Variants in IAH1 observed in about 807,000 individuals in gnomAD.
IAH1 encodes the protein isoamyl acetate hydrolyzing esterase 1 (putative).
Under a neutral mutation model 26.7 loss-of-function variants are expected in IAH1, and 24 were observed. That is an observed-to-expected ratio of 0.90 (90% CI 0.65 to 1.26). The LOEUF is 1.26. IAH1 is among the 50% of genes most tolerant of loss of function. The pLI, the probability that IAH1 is intolerant of heterozygous loss-of-function variation, is 0.00. For synonymous variants in IAH1, 140 were observed against 118.5 expected (o/e 1.18, Z -1.18); for missense variants, 300 against 299.9 (o/e 1.00, Z 0.00).
chr2:9,506,331 T>C, the IAH1 span, among the ~76,000 whole-genome samples: 6 of 150,186 alleles, frequency 4.0e-5, no homozygotes, highest in Middle Eastern at 3.5e-3. Flanking sequence ...AAATACTAAC[T>C]GGCTTTTTAA....
upstream of IAH1, chr2:9,474,549 G>GC (rs774279909): frequency 3.2e-5 from 31 of 968,042 alleles, no homozygotes; most frequent in Middle Eastern, 3.2e-4. This position sits in a 1 kb window ranked among gnomAD's most constrained non-coding sequence, Gnocchi z 4.3. Flanking sequence ...GCCCCGCCCC[G>GC]CCCCGCCCGG....
chr2:9,478,988 T>C (rs1220916238), intron 3 of IAH1, among the ~76,000 whole-genome samples: 1 of 152,136 alleles, frequency 6.6e-6, no homozygotes, highest in East Asian at 1.9e-4. Flanking sequence ...AGATTTCTTT[T>C]GTTACCCTAC....
At chr2:9,479,039 AC>A (rs1558476701) in intron 3 of IAH1, among the ~76,000 whole-genome samples, 1 of 152,180 alleles carries the variant, frequency 6.6e-6, no homozygotes, top group Non-Finnish European at 1.5e-5. Context: ...TCACGGGCAC[AC>A]CGTAGGAGAC....
intron 1 of IAH1, chr2:9,475,248 C>T (rs1682415425): frequency 5.6e-6 from 7 of 1,256,204 alleles, no homozygotes; most frequent in Non-Finnish European, 6.3e-6. Flanking sequence ...GTAGAAATTC[C>T]ATTCCTGTGT....
At chr2:9,492,180 A>G (rs1662209606), downstream of IAH1, among the ~76,000 whole-genome samples, 1 of 152,242 alleles carries the variant, frequency 6.6e-6, no homozygotes, top group Admixed American at 6.5e-5. Flanking sequence ...GAAGGCCACT[A>G]TGAAAGAGTT....
rs190575584 is a variant in IAH1, at chr2:9,487,582, T to C, written c.565-565T>C. 3.9e-5 allele frequency: 6 copies of C among 152,248 alleles called. No individual in the cohort carries two copies. In the East Asian group the frequency reaches 5.8e-4, roughly 15 times the overall value. The allele number at this position is 152,248 out of a possible 1,614,324, so 9.4% of individuals were successfully genotyped here. On this transcript the variant is annotated intron_variant, in intron 5 of 5. Transcript: ENST00000497473. ...TTTCATGAAACTCAATTCTATAATA[T>C]GGAGACAGCACTATAGCACTAGTCA...
At chr2:9,494,199 A>T (rs1662380370), downstream of IAH1, among the ~76,000 whole-genome samples, 1 of 152,190 alleles carries the variant, frequency 6.6e-6, no homozygotes, top group Non-Finnish European at 1.5e-5. Flanking sequence ...ATTCTGCATG[A>T]GAAAAATTAT....
rs150596640 is a variant in IAH1 at position 9,489,199 on chromosome 2, A to G, written c.*870A>G. On this transcript the variant is annotated 3_prime_UTR_variant, in exon 6 of 6. Transcript: ENST00000497473. Reference sequence around the variant, plus strand: ...TAAGAAATATCTCACCCTCTTATTCAATAGTGTTTGAAAACAGGCAATCTT... The same window carrying G: ...TAAGAAATATCTCACCCTCTTATTCGATAGTGTTTGAAAACAGGCAATCTT... The G allele has an allele frequency of 1.6e-3, 247 of 151,572 alleles. 2 individuals carry two copies. Among genetic ancestry groups the G allele is most frequent in the African/African-American group, 5.9e-3 (242 of 41,154 alleles). The allele number at this position is 151,572 out of a possible 1,614,324, so 9.4% of individuals were successfully genotyped here. A position where few individuals can be genotyped will look rare whatever the true frequency, so the allele number is the denominator to read the frequency against.
downstream of IAH1, chr2:9,497,237 C>T: frequency 6.2e-7 from 1 of 1,614,140 alleles, no homozygotes; most frequent in South Asian, 1.1e-5. Flanking sequence ...GGCGGGCACT[C>T]ACTGCTATTA....
At chr2:9,498,300 G>A (rs115332041), downstream of IAH1, among the ~76,000 whole-genome samples, 777 of 152,290 alleles carry the variant, frequency 5.1e-3, 7 homozygotes, top group African/African-American at 0.017. Flanking sequence ...TCCAAGTGCT[G>A]GAATGATAGG....
At chr2:9,475,263 C>T (rs1558472905) in intron 1 of IAH1, 1 of 1,191,506 alleles carries the variant, frequency 8.4e-7, no homozygotes, top group Admixed American at 2.3e-5. Context: ...CTGTGTGTGT[C>T]CTCTTCTCAG....
chr2:9,490,019 A>AACCACACAAGAACTGTTT (rs1414037058), downstream of IAH1: 4 of 668,598 alleles, frequency 6.0e-6, no homozygotes, highest in Non-Finnish European at 9.7e-6. Flanking sequence ...AGAAGGGCCA[A>AACCACACAAGAACTGTTT]ACCACACAAG....
intron 4 of IAH1, among the ~76,000 whole-genome samples, chr2:9,482,696 G>A (rs1661255602): frequency 2.0e-5 from 3 of 152,226 alleles, no homozygotes; most frequent in African/African-American, 7.2e-5. Context: ...TTGTAGCTAT[G>A]TCCCTTGCTC....
At position 9,481,309 on chromosome 2, in the gene IAH1, C is replaced by G; in HGVS notation, c.307C>G (p.Pro103Ala). The G allele has an allele frequency of 2.5e-6, 4 of 1,614,206 alleles. No homozygotes were observed. The highest frequency in any genetic ancestry group is 2.2e-5 in the East Asian group (1 of 44,876). The part of the protein sequence containing the change: ...LKDENPKQHI[P>A]LEEYAANLKS... ...AGATGAGAATCCCAAGCAGCACATT[C>G]CCCTGGAGGAGTACGCTGCGAACCT... The change falls in exon 4 of 6, where the codon CCC becomes GCC. Residue 103 changes from proline (P) to alanine (A), a missense_variant. Coordinates refer to ENST00000497473, the MANE Select transcript of IAH1 (RefSeq NM_001039613.3).
chr2:9,474,158 C>T (rs561740837), upstream of IAH1, among the ~76,000 whole-genome samples: 2 of 152,156 alleles, frequency 1.3e-5, no homozygotes, highest in African/African-American at 4.8e-5. The surrounding 1 kb of genome is among the most constrained non-coding windows in gnomAD (Gnocchi z 4.3). Context: ...CGCAGGAGGC[C>T]GCGCGCGCAT....
chr2:9,497,992 T>C (rs1295978604), downstream of IAH1, among the ~76,000 whole-genome samples: 1 of 152,216 alleles, frequency 6.6e-6, no homozygotes, highest in Admixed American at 6.5e-5. Context: ...TATCATATTA[T>C]AGGTATACTA....
chr2:9,494,164 G>A (rs1008913804), downstream of IAH1, among the ~76,000 whole-genome samples: 1 of 152,086 alleles, frequency 6.6e-6, no homozygotes, highest in African/African-American at 2.4e-5. Flanking sequence ...GTGAAGCCTC[G>A]TAAATCTTAA....
downstream of IAH1, chr2:9,491,214 C>T: frequency 7.0e-7 from 1 of 1,433,848 alleles, no homozygotes. Context: ...AGTACTATTT[C>T]ATCACAGGCT....
chr2:9,496,959 G>C (rs961194797), downstream of IAH1, among the ~76,000 whole-genome samples: 1 of 152,200 alleles, frequency 6.6e-6, no homozygotes, highest in African/African-American at 2.4e-5. Flanking sequence ...AGAGATGCCT[G>C]TCTCCAGACA....
Sources: gnomAD v4.1 joint callset for allele counts (sites outside exome capture counted in the v4.1 genomes callset) on GRCh38, gnomAD v4.1.1 for gene constraint, Gnocchi (gnomAD v3.1) non-coding constraint, MANE v1.5 for transcripts, NCBI Gene and HGNC (gene_info 2026-07-23, HGNC 2026-07-21) for gene names.